The following AOPEP variants were observed in gnomAD, a reference collection of about 807,000 sequenced individuals.
AOPEP encodes aminopeptidase O (putative).
A neutral mutation model predicts 98.1 loss-of-function variants in AOPEP; 77 were observed. The ratio of observed to expected loss-of-function variants is 0.78; its 90% CI spans 0.65 to 0.95. The LOEUF (loss-of-function observed/expected upper bound fraction) is 0.95, where lower values mean the gene tolerates loss of function less well. Ranked by LOEUF, AOPEP falls within the 40% of genes least tolerant of loss-of-function variation. The probability of loss-of-function intolerance (pLI) is 0.00; values close to 1 mark genes in which losing one functional copy is unlikely to be tolerated. For synonymous variants in AOPEP, 346 were observed against 365.3 expected (o/e 0.95, Z 0.60); for missense variants, 1,024 against 1,024.7 (o/e 1.00, Z 0.01).
intron 13 of AOPEP, among the ~76,000 whole-genome samples, chr9:95,058,108 C>G (rs1003384545): frequency 3.3e-5 from 5 of 152,192 alleles, no homozygotes; most frequent in African/African-American, 1.2e-4. Flanking sequence ...AGTTGCTGAG[C>G]TTTCAGCTTA....
chr9:94,829,220 G>A (rs993205906), intron 5 of AOPEP, among the ~76,000 whole-genome samples: 4 of 150,844 alleles, frequency 2.7e-5, no homozygotes, highest in African/African-American at 7.3e-5. Context: ...ACACGCACAC[G>A]CACACACACA....
chr9:94,991,034 A>C, intron 11 of AOPEP, among the ~76,000 whole-genome samples: 1 of 152,210 alleles, frequency 6.6e-6, no homozygotes, highest in East Asian at 1.9e-4. Context: ...ATACACAAGC[A>C]TGACCCCTTG....
At chr9:94,935,727 C>T (rs1416960914) in intron 7 of AOPEP, among the ~76,000 whole-genome samples, 7 of 152,262 alleles carry the variant, frequency 4.6e-5, no homozygotes, top group African/African-American at 1.2e-4. Flanking sequence ...TGGGCATGGC[C>T]GGCCATACCC....
chr9:94,906,695 T>C (rs2051199219), intron 5 of AOPEP, among the ~76,000 whole-genome samples: 1 of 152,146 alleles, frequency 6.6e-6, no homozygotes, highest in Non-Finnish European at 1.5e-5. Context: ...TTTTTGTTTA[T>C]TGAATGTCTC....
intron 5 of AOPEP, among the ~76,000 whole-genome samples, chr9:94,906,773 A>G (rs1384705134): frequency 1.3e-5 from 2 of 152,224 alleles, no homozygotes; most frequent in Admixed American, 6.5e-5. Context: ...ATGTATCCCA[A>G]GCCCCCAGGA....
At chr9:94,946,805 C>G (rs2057682262) in intron 7 of AOPEP, among the ~76,000 whole-genome samples, 1 of 152,098 alleles carries the variant, frequency 6.6e-6, no homozygotes, top group East Asian at 1.9e-4. Context: ...CAGTGGTCTT[C>G]TCCAAATGTG....
the AOPEP span, among the ~76,000 whole-genome samples, chr9:95,108,315 C>T: frequency 6.6e-6 from 1 of 152,230 alleles, no homozygotes; most frequent in African/African-American, 2.4e-5. Context: ...CTCTCCCCAC[C>T]TCGCCCCTCA....
intron 6 of AOPEP, among the ~76,000 whole-genome samples, chr9:94,926,209 T>C (rs2054293980): frequency 6.6e-6 from 1 of 152,224 alleles, no homozygotes; most frequent in Non-Finnish European, 1.5e-5. Context: ...AGGCCACTCC[T>C]TAGTCTGCTG....
the AOPEP span, among the ~76,000 whole-genome samples, chr9:95,118,447 C>T: frequency 6.6e-6 from 1 of 152,238 alleles, no homozygotes; most frequent in African/African-American, 2.4e-5. Flanking sequence ...AAATCTATAA[C>T]GCATGGAGTG....
intron 1 of AOPEP, among the ~76,000 whole-genome samples, chr9:94,738,435 A>T (rs1832263526): frequency 6.6e-6 from 1 of 152,090 alleles, no homozygotes. Flanking sequence ...GTGTAGTGGG[A>T]GTTCTCTGGC....
rs1203674696 is a variant in AOPEP, at chr9:94,980,797, G to A, written c.1977+1370G>A. ...AATGAGGGCCCGTGAGCTCTGAGAC[G>A]GTGACTTCCAAACCAGACTACTCAC... is the stretch of plus-strand genomic sequence containing the variant. On this transcript the variant is annotated intron_variant, in intron 11 of 16. Transcript: ENST00000375315. This position sits in a 1 kb window ranked among gnomAD's most constrained non-coding sequence, Gnocchi z 4.3. Among the ~76,000 whole-genome samples, 2 of 152,216 alleles carry A rather than the reference G, an allele frequency of 1.3e-5. No homozygotes were observed. Among genetic ancestry groups the A allele is most frequent in the African/African-American group, 4.8e-5 (2 of 41,460 alleles).
chr9:94,956,231 C>T (rs1023985456), intron 9 of AOPEP, among the ~76,000 whole-genome samples: 6 of 152,162 alleles, frequency 3.9e-5, no homozygotes, highest in African/African-American at 1.4e-4. Context: ...AAAGCTGTCT[C>T]GTACACAGTG....
chr9:95,099,501 C>T, the AOPEP span: 17 of 228,534 alleles, frequency 7.4e-5, no homozygotes, highest in Admixed American at 6.9e-4. Context: ...TTGCCGAAAT[C>T]GAAGGCAACA....
intron 5 of AOPEP, among the ~76,000 whole-genome samples, chr9:94,897,856 T>TG (rs397935519): frequency 3.6e-4 from 55 of 151,686 alleles, no homozygotes; most frequent in African/African-American, 1.3e-3. Context: ...TTTTTTTTTT[T>TG]GGATACAGAG....
chr9:95,006,017 T>A (rs1278105024), intron 13 of AOPEP: 2 of 476,458 alleles, frequency 4.2e-6, no homozygotes, highest in Admixed American at 4.7e-5. Flanking sequence ...ATTGGAGTCA[T>A]CTAAGAAATA....
At chr9:94,916,390 AT>A (rs1413310925) in intron 5 of AOPEP, among the ~76,000 whole-genome samples, 3 of 152,190 alleles carry the variant, frequency 2.0e-5, no homozygotes, top group Non-Finnish European at 4.4e-5. Context: ...CACAGCTTTC[AT>A]TCATAAGTAA....
intron 5 of AOPEP, among the ~76,000 whole-genome samples, chr9:94,805,825 G>A (rs917836269): frequency 1.3e-5 from 2 of 152,148 alleles, no homozygotes; most frequent in African/African-American, 4.8e-5. Context: ...GTGTTGTCCT[G>A]TTTATTCTTA....
At chr9:94,749,815 CTT>C (rs1242315515) in intron 1 of AOPEP, among the ~76,000 whole-genome samples, 1 of 152,128 alleles carries the variant, frequency 6.6e-6, no homozygotes, top group Non-Finnish European at 1.5e-5. Context: ...GCTTTAAAAT[CTT>C]TATCTGTTAA....
chr9:94,805,478 T>G (rs1849061870), intron 5 of AOPEP, among the ~76,000 whole-genome samples: 1 of 150,338 alleles, frequency 6.7e-6, no homozygotes, highest in African/African-American at 2.5e-5. Context: ...AGGTTTTTTG[T>G]TTTTTGTTTT....
Sources: gnomAD v4.1 joint callset for allele counts (sites outside exome capture counted in the v4.1 genomes callset) on GRCh38, gnomAD v4.1.1 for gene constraint, Gnocchi (gnomAD v3.1) non-coding constraint, MANE v1.5 for transcripts, NCBI Gene and HGNC (gene_info 2026-07-23, HGNC 2026-07-21) for gene names.